Variants in FGD6 observed in about 807,000 individuals in gnomAD.
FGD6 encodes the protein FYVE, RhoGEF and PH domain containing 6.
FGD6 carries 90 observed loss-of-function variants against 149.4 expected under a neutral mutation model. The ratio of observed to expected loss-of-function variants is 0.60; its 90% CI spans 0.51 to 0.72. FGD6 has a LOEUF of 0.72. FGD6 is among the 30% of genes least tolerant of loss of function. The pLI is 0.00. For synonymous variants in FGD6, 527 were observed against 584.0 expected (o/e 0.90, Z 1.41); for missense variants, 1,437 against 1,684.8 (o/e 0.85, Z 2.57).
intron 3 of FGD6, 63 bp from the exon 4 acceptor site, chr12:95,153,056 A>G (rs1880356889): frequency 6.9e-7 from 1 of 1,443,440 alleles, no homozygotes; most frequent in Non-Finnish European, 9.7e-7. Flanking sequence ...GCTATGAGCT[A>G]GTCAGACACG....
intron 19 of FGD6, among the ~76,000 whole-genome samples, chr12:95,085,205 AGCTCTGCCTTTTT>A (rs1877819874): frequency 2.0e-5 from 3 of 147,912 alleles, no homozygotes; most frequent in Non-Finnish European, 4.5e-5. Context: ...AAAGAAACAC[AGCTCTGCCTTTTT>A]TTTTTTTTTT....
intron 14 of FGD6, among the ~76,000 whole-genome samples, chr12:95,104,264 A>G (rs895237683): frequency 2.8e-4 from 42 of 152,258 alleles, no homozygotes; most frequent in African/African-American, 9.9e-4. Context: ...AGTGTTGGCA[A>G]TATCTTTCCC....
intron 2 of FGD6, among the ~76,000 whole-genome samples, chr12:95,196,514 G>A (rs1408361354): frequency 1.3e-5 from 2 of 152,070 alleles, no homozygotes; most frequent in African/African-American, 4.8e-5. Flanking sequence ...ACAGGCGTGA[G>A]CCACTGCACC....
At chr12:95,208,190 T>C (rs2136302802) in intron 2 of FGD6, among the ~76,000 whole-genome samples, 1 of 152,156 alleles carries the variant, frequency 6.6e-6, no homozygotes, top group East Asian at 1.9e-4. Flanking sequence ...GAGTCGAGGC[T>C]GCAGTAAGCC....
Position 95,108,559 on chromosome 12 carries a change from C to T in FGD6, c.3136G>A (p.Ala1046Thr). ...GCTACCTCTATAACAACAGCAAGGG[C>T]ATCTGAAATAGGCAGGAACAAAACG... is the stretch of plus-strand genomic sequence containing the variant. ...DAGDYRDTQDALAVVIEVANH... is the reference protein window; with the variant it reads ...DAGDYRDTQDTLAVVIEVANH... Residue 1046 changes from alanine (A) to threonine (T), a missense_variant and splice_region_variant, in exon 10 of 21, where the codon GCC becomes ACC. Transcript: ENST00000343958. 3 of 1,613,928 alleles carry T rather than the reference C, an allele frequency of 1.9e-6. No individual in the cohort carries two copies. The highest frequency in any genetic ancestry group is 2.5e-6 in the Non-Finnish European group (3 of 1,179,880).
In FGD6 at chr12:95,209,610, A is replaced by G; in HGVS notation, c.1674T>C (p.Pro558=). ...NRGVSSSFDM[P]KRASEKPVWK... ...ACACTGGCTTTTCTGAAGCCCGTTT[A>G]GGCATATCAAAGGAGGATGACACAC... The change falls in exon 2 of 21, where the codon CCT becomes CCC. Residue 558 remains proline (P), a synonymous_variant. Transcript: ENST00000343958. 1 of 1,614,000 alleles carries G rather than the reference A, an allele frequency of 6.2e-7. No homozygotes were observed. The highest frequency in any genetic ancestry group is 8.5e-7 in the Non-Finnish European group (1 of 1,180,010).
intron 2 of FGD6, among the ~76,000 whole-genome samples, chr12:95,192,035 T>A (rs367966298): frequency 5.3e-5 from 8 of 152,354 alleles, no homozygotes; most frequent in Admixed American, 3.9e-4. Flanking sequence ...GCTCCTCCTG[T>A]ATACTTTAAA....
Position 95,217,208 on chromosome 12 carries a change from C to A in FGD6, c.16+17G>T, listed in dbSNP as rs746941262. ...CGCCACAAACTTTCCCGCGGCAGCG[C>A]GAGCGCCGTCACTTACCGGCTGCAG... On this transcript the variant is annotated intron_variant, in intron 1 of 20. Coordinates refer to ENST00000343958, the MANE Select transcript of FGD6 (RefSeq NM_018351.4). The A allele has an allele frequency of 6.8e-6, 11 of 1,612,414 alleles. No homozygotes were observed. Among genetic ancestry groups the A allele is most frequent in the Non-Finnish European group, 9.3e-6 (11 of 1,178,960 alleles).
chr12:95,116,816 A>G, intron 8 of FGD6: 1 of 455,924 alleles, frequency 2.2e-6, no homozygotes, highest in South Asian at 1.5e-5. Context: ...TTCTTGCAGT[A>G]TATCTTTTTG....
In FGD6 at chr12:95,076,767, T is replaced by C. The variant is rs1877506295; in HGVS notation, c.*4753A>G. 6.6e-6 allele frequency: 1 copy of C among 151,938 alleles called. No homozygotes were observed. The highest frequency in any genetic ancestry group is 2.4e-5 in the African/African-American group (1 of 41,356). The allele number at this position is 151,938 out of a possible 1,614,324, so 9.4% of individuals were successfully genotyped here. A position where few individuals can be genotyped will look rare whatever the true frequency, so the allele number is the denominator to read the frequency against. Reference sequence around the variant, plus strand: ...AACAAAATATATTATAGTAAATTTATTTTGTATAAATACATATTAACATTA... The same window carrying C: ...AACAAAATATATTATAGTAAATTTACTTTGTATAAATACATATTAACATTA... On this transcript the variant is annotated 3_prime_UTR_variant, in exon 21 of 21. Coordinates refer to ENST00000343958, the MANE Select transcript of FGD6 (RefSeq NM_018351.4).
At chr12:95,192,098 T>C (rs1208744690) in intron 2 of FGD6, among the ~76,000 whole-genome samples, 1 of 152,192 alleles carries the variant, frequency 6.6e-6, no homozygotes, top group Non-Finnish European at 1.5e-5. Flanking sequence ...CAAATAGTTG[T>C]TATATTATTT....
At chr12:95,109,699 C>CA (rs1878751639) in intron 9 of FGD6, among the ~76,000 whole-genome samples, 1 of 152,026 alleles carries the variant, frequency 6.6e-6, no homozygotes, top group Non-Finnish European at 1.5e-5. Flanking sequence ...CTTGTTTCCA[C>CA]AAAAAATCCA....
At chr12:95,095,418 T>C (rs1878202115) in intron 14 of FGD6, among the ~76,000 whole-genome samples, 1 of 152,042 alleles carries the variant, frequency 6.6e-6, no homozygotes, top group South Asian at 2.1e-4. Flanking sequence ...CCCAAAACCA[T>C]GTTAACTCCA....
chr12:95,195,840 G>C (rs1335882431), intron 2 of FGD6, among the ~76,000 whole-genome samples: 1 of 148,266 alleles, frequency 6.7e-6, no homozygotes, highest in East Asian at 2.0e-4. Flanking sequence ...GGTGAAGATG[G>C]AGATGCAAAC....
intron 14 of FGD6, among the ~76,000 whole-genome samples, chr12:95,095,432 CA>C (rs1321767438): frequency 1.3e-5 from 2 of 151,754 alleles, no homozygotes; most frequent in Non-Finnish European, 2.9e-5. Context: ...AACTCCAAAT[CA>C]TTACTGGTAT....
intron 7 of FGD6, among the ~76,000 whole-genome samples, chr12:95,135,741 A>G (rs929672659): frequency 2.6e-5 from 4 of 152,212 alleles, no homozygotes. Flanking sequence ...TACCACCACT[A>G]TCTGGTACAC....
intron 3 of FGD6, among the ~76,000 whole-genome samples, chr12:95,157,687 T>C (rs1268161977): frequency 1.3e-5 from 2 of 152,140 alleles, no homozygotes; most frequent in African/African-American, 4.8e-5. Context: ...TCCAGTCTAA[T>C]GAGCCTAGGA....
At chr12:95,212,806 T>C (rs548270916) in intron 1 of FGD6, among the ~76,000 whole-genome samples, 79 of 152,154 alleles carry the variant, frequency 5.2e-4, no homozygotes, top group African/African-American at 1.8e-3. Context: ...GAACTGAGTT[T>C]TTTTAAAAAA....
chr12:95,126,566 T>C (rs776874773), intron 8 of FGD6, among the ~76,000 whole-genome samples: 8 of 151,544 alleles, frequency 5.3e-5, no homozygotes, highest in Non-Finnish European at 1.2e-4. Flanking sequence ...CTATCTCTAC[T>C]AAAAATACAA....
Sources: allele counts gnomAD v4.1 joint callset (sites outside exome capture counted in the v4.1 genomes callset), GRCh38; gene constraint gnomAD v4.1.1; transcripts MANE v1.5; gene names NCBI Gene and HGNC (gene_info 2026-07-23, HGNC 2026-07-21).